GTF3C3: variants seen among roughly 807,000 people sequenced by gnomAD.
GTF3C3 encodes the protein general transcription factor 3C polypeptide 3.
GTF3C3 carries 75 observed loss-of-function variants against 105.2 expected under a neutral mutation model. That is an observed-to-expected ratio of 0.71 (90% CI 0.59 to 0.86). The LOEUF (loss-of-function observed/expected upper bound fraction) is 0.86. Among genes scored for constraint, GTF3C3 ranks in the 40% least tolerant of loss-of-function variants. GTF3C3 has a pLI of 0.00. For missense variants in GTF3C3, 856 were observed against 1,076.5 expected (o/e 0.80, Z 2.87); for synonymous variants, 335 against 370.4 (o/e 0.90, Z 1.10).
rs1390431362 is a variant in GTF3C3 at position 196,772,927 on chromosome 2, G to GT, written c.2057dup (p.Tyr686Ter). The change falls in exon 14 of 18, where the codon TAC becomes TAAC. Residue 686 changes from tyrosine (Y) to a stop codon, truncating the protein, a stop_gained and frameshift_variant. Coordinates refer to ENST00000263956, the MANE Select transcript of GTF3C3 (RefSeq NM_012086.5). LOFTEE classifies it high-confidence loss of function. ...AILDKNFRKA[Y>*]NYIRIMVMEN... ...AACTGGGAAATCACCTGATATAGTTGTATGCCTTTCTGAAATTTTTGTCCA... is the reference window on the plus strand; with the variant it reads ...AACTGGGAAATCACCTGATATAGTTGTTATGCCTTTCTGAAATTTTTGTCCA... 1 of 1,508,654 alleles carries GT rather than the reference G, an allele frequency of 6.6e-7. No individual in the cohort carries two copies. Among genetic ancestry groups the GT allele is most frequent in the Non-Finnish European group, 9.1e-7 (1 of 1,104,156 alleles). The allele number at this position is 1,508,654 out of a possible 1,614,324, so 93.5% of individuals were successfully genotyped here.
chr2:196,789,879 C>T lies in GTF3C3; in HGVS notation c.727G>A (p.Ala243Thr). The change falls in exon 5 of 18, where the codon GCT becomes ACT. Residue 243 changes from alanine to threonine, a missense_variant and splice_region_variant. Transcript: ENST00000263956. ...GAAAAAAAAAAAAAATTTTAATTAC[C>T]TTTTGTATAGCAAAAAATAGCCTGC... ...IKQAIFCYTK[A>T]LKYEPTNVRY... 3 of 1,550,950 alleles carry T rather than the reference C, an allele frequency of 1.9e-6. No individual in the cohort carries two copies. Among genetic ancestry groups the T allele is most frequent in the Non-Finnish European group, 2.6e-6 (3 of 1,154,270 alleles).
chr2:196,796,729 T>C (rs1386454001), intron 2 of GTF3C3, among the ~76,000 whole-genome samples: 1 of 152,206 alleles, frequency 6.6e-6, no homozygotes, highest in Non-Finnish European at 1.5e-5. Context: ...CCCTGTGTTC[T>C]CATCATTCAG....
intron 8 of GTF3C3, among the ~76,000 whole-genome samples, chr2:196,781,602 T>C (rs996569244): frequency 1.3e-5 from 2 of 151,594 alleles, no homozygotes; most frequent in Non-Finnish European, 2.9e-5. Context: ...TCCAAGGATT[T>C]TGGTATGAGG....
At chr2:196,780,425 T>A (rs1699327622) in intron 9 of GTF3C3, 134 bp downstream of exon 9, 1 of 1,319,820 alleles carries the variant, frequency 7.6e-7, no homozygotes, top group Non-Finnish European at 9.8e-7. Flanking sequence ...ACAAAATTAT[T>A]TGATGCTTAT....
chr2:196,771,082 G>T (rs764477708), intron 15 of GTF3C3, among the ~76,000 whole-genome samples: 7 of 152,086 alleles, frequency 4.6e-5, no homozygotes, highest in Admixed American at 2.6e-4. Context: ...CATTTAGTTA[G>T]TTAGATGTTT....
chr2:196,784,624 T>TTGACATACAGGGACTGTATGTCA (rs1699421817), intron 8 of GTF3C3: 1 of 158,404 alleles, frequency 6.3e-6, no homozygotes, highest in African/African-American at 2.4e-5. Context: ...CAATGAAAAA[T>TTGACATACAGGGACTGTATGTCA]GCCATGTTCA....
intron 8 of GTF3C3, among the ~76,000 whole-genome samples, chr2:196,782,886 ATAT>A (rs1332484943): frequency 3.9e-5 from 6 of 152,210 alleles, no homozygotes; most frequent in Non-Finnish European, 8.8e-5. Flanking sequence ...TACAGCTTAT[ATAT>A]TATTAACTAA....
At chr2:196,784,121 T>A (rs1699414885) in intron 8 of GTF3C3, among the ~76,000 whole-genome samples, 1 of 152,174 alleles carries the variant, frequency 6.6e-6, no homozygotes, top group Non-Finnish European at 1.5e-5. Context: ...ATGGAATTTT[T>A]AGGCATCATG....
chr2:196,775,245 T>C lies in GTF3C3; in HGVS notation c.1702A>G (p.Met568Val), dbSNP rs1699241573. The C allele has an allele frequency of 6.3e-7, 1 of 1,599,512 alleles. No individual in the cohort carries two copies. The part of the protein sequence containing the change: ...TMLAMLLKVA[M>V]NRAQVCLISS... ...ATCAAACAAACTTGGGCTCGATTCA[T>C]TGCTACCTGAATTAAAGATGAAGAT... Residue 568 changes from methionine (M) to valine (V), a missense_variant, in exon 13 of 18, where the codon ATG becomes GTG. By Grantham distance (21) the Met-to-Val change is conservative. This residue lies in a region of GTF3C3 where 605 missense variants were observed against 833.6 expected (regional missense o/e 0.73). Transcript: ENST00000263956.
intron 6 of GTF3C3, among the ~76,000 whole-genome samples, chr2:196,785,912 A>AC (rs1159802936): frequency 1.3e-5 from 2 of 152,010 alleles, no homozygotes; most frequent in Non-Finnish European, 2.9e-5. Flanking sequence ...TATTGCCTAC[A>AC]CCCCGCCTGG....
intron 15 of GTF3C3, 63 bp downstream of exon 15, chr2:196,771,685 C>T: frequency 8.8e-7 from 1 of 1,133,152 alleles, no homozygotes; most frequent in Non-Finnish European, 1.3e-6. Context: ...CAGTTCCAAT[C>T]CAGAGGCTAG....
rs775005540 is a variant in GTF3C3 at position 196,789,385 on chromosome 2, T to C, written c.728-16A>G. The C allele has an allele frequency of 3.1e-5, 49 of 1,558,148 alleles. No homozygotes were observed. The highest frequency in any genetic ancestry group is 4.0e-5 in the Non-Finnish European group (46 of 1,149,150). On this transcript the variant is annotated splice_polypyrimidine_tract_variant and intron_variant, in intron 5 of 17. Coordinates refer to ENST00000263956, the MANE Select transcript of GTF3C3 (RefSeq NM_012086.5). ...TATTTAAGAGCTAAAAAGAAAGAAA[T>C]ACAAATTATTTACCACAAAAAGGGG...
At chr2:196,773,777 AG>A in intron 13 of GTF3C3, 1 of 328,166 alleles carries the variant, frequency 3.0e-6, no homozygotes, top group South Asian at 2.7e-5. Context: ...AATTCTCATA[AG>A]GAGCGTGCAA....
At chr2:196,790,986 T>C (rs965646879) in intron 4 of GTF3C3, among the ~76,000 whole-genome samples, 5 of 151,788 alleles carry the variant, frequency 3.3e-5, no homozygotes, top group African/African-American at 4.8e-5. Flanking sequence ...ACCAAAAAAA[T>C]AGAGTAACAT....
Position 196,764,668 on chromosome 2 carries a change from C to T in GTF3C3, c.2556G>A (p.Gln852=), listed in dbSNP as rs143704960. The T allele has an allele frequency of 1.5e-5, 24 of 1,612,012 alleles. No individual in the cohort carries two copies. Among genetic ancestry groups the T allele is most frequent in the Middle Eastern group, 1.6e-4 (1 of 6,076 alleles). ...PLVVEGIELD[Q]LDLRRDIAYN... is the part of the protein sequence containing the mutation. ...AGGCAATATCTCTTCGTAAGTCTAA[C>T]TGGTCAAGTTCTATACCCTAGGGAG... Residue 852 remains glutamine (Q), a synonymous_variant, in exon 18 of 18, where the codon CAG becomes CAA. Coordinates refer to ENST00000263956, the MANE Select transcript of GTF3C3 (RefSeq NM_012086.5).
intron 1 of GTF3C3, 132 bp downstream of exon 1, chr2:196,799,378 G>C (rs1699706512): frequency 1.5e-6 from 1 of 672,866 alleles, no homozygotes; most frequent in African/African-American, 1.8e-5. Flanking sequence ...CGGAGTTTCT[G>C]TAAGATAAGG....
At chr2:196,781,847 GA>G (rs1699370056) in intron 8 of GTF3C3, among the ~76,000 whole-genome samples, 1 of 152,134 alleles carries the variant, frequency 6.6e-6, no homozygotes, top group Non-Finnish European at 1.5e-5. Flanking sequence ...ATGAGGACAA[GA>G]ACCATGTCTG....
chr2:196,793,260 A>G (rs1346206594), intron 2 of GTF3C3, 108 bp from the exon 3 acceptor site: 2 of 741,958 alleles, frequency 2.7e-6, no homozygotes, highest in African/African-American at 3.5e-5. Context: ...ACCAAATTTG[A>G]AAGTAAAAAA....
chr2:196,779,264 AT>A (rs1234438118), intron 9 of GTF3C3, among the ~76,000 whole-genome samples, 197 bp from the exon 10 acceptor site: 2 of 151,522 alleles, frequency 1.3e-5, no homozygotes, highest in Admixed American at 1.3e-4. Flanking sequence ...AGTAGCTGGG[AT>A]TACAGGTGCA....
Sources: allele counts gnomAD v4.1 joint callset (sites outside exome capture counted in the v4.1 genomes callset), GRCh38; gene constraint gnomAD v4.1.1; regional missense constraint gnomAD v4.1.1; transcripts MANE v1.5; gene names NCBI Gene and HGNC (gene_info 2026-07-23, HGNC 2026-07-21).